The following DELE1 variants were observed in gnomAD, a reference collection of about 807,000 sequenced individuals.
DELE1 encodes DAP3 binding cell death enhancer 1.
DELE1 carries 54 observed loss-of-function variants against 59.3 expected under a neutral mutation model. That is an observed-to-expected ratio of 0.91 (90% CI 0.73 to 1.14). The LOEUF is 1.14. Among genes scored for constraint, DELE1 ranks in the 50% most tolerant of loss-of-function variants. The pLI, the probability that DELE1 is intolerant of heterozygous loss-of-function variation, is 0.00. For missense variants in DELE1, 636 were observed against 643.9 expected (o/e 0.99, Z 0.13); for synonymous variants, 264 against 259.1 (o/e 1.02, Z -0.18).
chr5:141,934,732 C>A, intron 10 of DELE1, 146 bp downstream of exon 10: 2 of 754,174 alleles, frequency 2.7e-6, no homozygotes, highest in Non-Finnish European at 4.3e-6. Context: ...CACTGACTTA[C>A]TGTGTGACCG....
intron 3 of DELE1, 40 bp from the exon 4 acceptor site, chr5:141,928,111 T>C (rs757080937): frequency 3.8e-6 from 6 of 1,586,546 alleles, no homozygotes; most frequent in Non-Finnish European, 4.3e-6. Flanking sequence ...ATGGAGTTGA[T>C]TGGTGAAGGA....
chr5:141,933,108 A>AT (rs1561516750), intron 7 of DELE1, 151 bp from the exon 8 acceptor site: 184 of 150,146 alleles, frequency 1.2e-3, no homozygotes, highest in South Asian at 2.3e-3. Context: ...AAAAAAAAAA[A>AT]AAAATATATA....
At chr5:141,927,791 G>A (rs900992100) in intron 3 of DELE1, among the ~76,000 whole-genome samples, 6 of 152,082 alleles carry the variant, frequency 3.9e-5, no homozygotes, top group South Asian at 4.1e-4. Flanking sequence ...CTTAGTCTTC[G>A]CTTATTTAGT....
chr5:141,932,836 T>G (rs955737328), intron 7 of DELE1, among the ~76,000 whole-genome samples: 2 of 152,158 alleles, frequency 1.3e-5, no homozygotes, highest in Non-Finnish European at 2.9e-5. Context: ...GGCTCACGCC[T>G]GTAATCCCGA....
intron 3 of DELE1, 58 bp from the exon 4 acceptor site, chr5:141,928,089 AGGCC>A (rs1751564590): frequency 1.3e-6 from 2 of 1,535,474 alleles, no homozygotes; most frequent in East Asian, 4.6e-5. Context: ...TTTGAGAATA[AGGCC>A]GGGTCTGATG....
Position 141,924,431 on chromosome 5 carries a change from C to T in DELE1, c.32-150C>T, listed in dbSNP as rs1270508818. The T allele has an allele frequency of 2.1e-5, 13 of 607,622 alleles. No individual in the cohort carries two copies. In the Admixed American group the frequency reaches 3.2e-4, roughly 15 times the overall value. The allele number at this position is 607,622 out of a possible 1,614,324, so 37.6% of individuals were successfully genotyped here. A position where few individuals can be genotyped will look rare whatever the true frequency, so the allele number is the denominator to read the frequency against. On this transcript the variant is annotated intron_variant, in intron 1 of 11. Coordinates refer to ENST00000432126, the MANE Select transcript of DELE1 (RefSeq NM_014773.5). ...ACGTGGATGCTCTACCCTGAGAAAT[C>T]TTAGTTTATTGGTTCTGGGGTACTA...
In DELE1 at chr5:141,925,596, C is replaced by G. The variant is rs575950421; in HGVS notation, c.264+69C>G. On this transcript the variant is annotated intron_variant, in intron 3 of 11. Transcript: ENST00000432126. Reference sequence around the variant, plus strand: ...GAATGATCCTTCATGGGTATACAGCCGAACCTGGAACAAGGGCTAGGGAAT... The same window carrying G: ...GAATGATCCTTCATGGGTATACAGCGGAACCTGGAACAAGGGCTAGGGAAT... The G allele has an allele frequency of 1.4e-3, 1,322 of 913,112 alleles. 2 individuals are homozygous for G. The highest frequency in any genetic ancestry group is 1.9e-3 in the Non-Finnish European group (1,169 of 616,564). The allele number at this position is 913,112 out of a possible 1,614,324, so 56.6% of individuals were successfully genotyped here. A position where few individuals can be genotyped will look rare whatever the true frequency, so the allele number is the denominator to read the frequency against.
chr5:141,925,592 C>A, intron 3 of DELE1, 65 bp downstream of exon 3: 1 of 969,772 alleles, frequency 1.0e-6, no homozygotes, highest in Non-Finnish European at 1.5e-6. Context: ...CATGGGTATA[C>A]AGCCGAACCT....
At chr5:141,925,742 C>G (rs184913813) in intron 3 of DELE1, among the ~76,000 whole-genome samples, 127 of 152,138 alleles carry the variant, frequency 8.3e-4, no homozygotes, top group African/African-American at 3.0e-3. Flanking sequence ...TTATGTAACA[C>G]CTTGTCTGGG....
chr5:141,934,242 G>C lies in DELE1; in HGVS notation c.900G>C (p.Ala300=). The C allele has an allele frequency of 6.2e-7, 1 of 1,604,300 alleles. No homozygotes were observed. Among genetic ancestry groups the C allele is most frequent in the Non-Finnish European group, 8.5e-7 (1 of 1,172,922 alleles). ...GRGTPRDISK[A]VLYYQLAASQ... ...GGGTGTTTCTCCCTTTGCCCCAGGC[G>C]GTCCTTTATTATCAGTTGGCTGCCA... is the stretch of plus-strand genomic sequence containing the variant. The change falls in exon 9 of 12, where the codon GCG becomes GCC. Residue 300 remains alanine (A), a splice_region_variant and synonymous_variant. Transcript: ENST00000432126.
intron 4 of DELE1, among the ~76,000 whole-genome samples, chr5:141,928,635 A>T (rs1165184954): frequency 2.0e-5 from 3 of 152,200 alleles, no homozygotes; most frequent in African/African-American, 7.2e-5. Flanking sequence ...ATGAATCTTT[A>T]TTGAGCACCT....
chr5:141,937,035 A>C, intron 10 of DELE1, 163 bp from the exon 11 acceptor site: 1 of 1,494,344 alleles, frequency 6.7e-7, no homozygotes, highest in Non-Finnish European at 8.9e-7. Flanking sequence ...AGCCTCTGGC[A>C]TTTCGTAGTT....
intron 4 of DELE1, among the ~76,000 whole-genome samples, chr5:141,928,699 C>T (rs1751627849): frequency 1.3e-5 from 2 of 152,182 alleles, no homozygotes; most frequent in Non-Finnish European, 2.9e-5. Context: ...GCTCTGGAGT[C>T]AGATTATAGA....
Position 141,938,735 on chromosome 5 carries a change from T to C in DELE1, c.1524T>C (p.Ser508=). Residue 508 remains serine (S), a synonymous_variant, in exon 12 of 12, where the codon AGT becomes AGC. Coordinates refer to ENST00000432126, the MANE Select transcript of DELE1 (RefSeq NM_014773.5). ...CACACCCCTACCCACTGGAAAGGAG[T>C]GTTGTAAGACTAGGTTTTGGCTAAG... ...IPPHPYPLER[S]VVRLGFG is the part of the protein sequence containing the mutation. 1 of 1,613,084 alleles carries C rather than the reference T, an allele frequency of 6.2e-7. No individual in the cohort carries two copies. Among genetic ancestry groups the C allele is most frequent in the Non-Finnish European group, 8.5e-7 (1 of 1,179,744 alleles).
chr5:141,939,911 T>G lies in DELE1; in HGVS notation c.*1152T>G, dbSNP rs998766090. ...AGTGATGCTCATGGTTGCATGACTT[T>G]ATGAGTCGCTGGGCCAGGGTGAGGA... On this transcript the variant is annotated 3_prime_UTR_variant, in exon 12 of 12. Transcript: ENST00000432126. 1.4e-6 allele frequency: 1 copy of G among 735,958 alleles called. No homozygotes were observed. The highest frequency in any genetic ancestry group is 1.9e-5 in the African/African-American group (1 of 52,044). 45.6% of individuals were successfully genotyped at this position (735,958 alleles called of 1,614,324 possible).
chr5:141,937,935 C>T (rs1377923723), intron 11 of DELE1, among the ~76,000 whole-genome samples: 1 of 151,442 alleles, frequency 6.6e-6, no homozygotes, highest in Non-Finnish European at 1.5e-5. Context: ...AGCGATTCTC[C>T]TGCCTCAGCC....
Position 141,929,723 on chromosome 5 carries a change from A to G in DELE1, c.554A>G (p.Gln185Arg). 1 of 1,614,218 alleles carries G rather than the reference A, an allele frequency of 6.2e-7. No homozygotes were observed. Among genetic ancestry groups the G allele is most frequent in the Non-Finnish European group, 8.5e-7 (1 of 1,180,034 alleles). ...AACTCTTTGAGAGGAGCTCGTCCTC[A>G]GGACCCCTCTGAGGAAGGTATGTCC... Reference protein sequence around the residue: ...SHNSLRGARPQDPSEEGPGDF... With the variant: ...SHNSLRGARPRDPSEEGPGDF... Residue 185 changes from glutamine to arginine, a missense_variant, in exon 5 of 12, where the codon CAG (glutamine) becomes CGG (arginine). Coordinates refer to ENST00000432126, the MANE Select transcript of DELE1 (RefSeq NM_014773.5).
At position 141,939,182 on chromosome 5, in the gene DELE1, G is replaced by A. The variant is rs941809345; in HGVS notation, c.*423G>A. On this transcript the variant is annotated 3_prime_UTR_variant, in exon 12 of 12. Coordinates refer to ENST00000432126, the MANE Select transcript of DELE1 (RefSeq NM_014773.5). ...CCTGGTTCACAAGAAGATTTTAGAT[G>A]GTATTCAAATTAATATTTTCTATTT... 1 of 848,628 alleles carries A rather than the reference G, an allele frequency of 1.2e-6. No individual in the cohort carries two copies. Among genetic ancestry groups the A allele is most frequent in the African/African-American group, 1.8e-5 (1 of 54,250 alleles). 52.6% of individuals were successfully genotyped at this position (848,628 alleles called of 1,614,324 possible).
At position 141,941,956 on chromosome 5, in the gene DELE1, TAC is replaced by T. The variant is rs1304230069; in HGVS notation, c.*3202_*3203del. ...TGTATTGCCCCCCACTCGCCGCCTA[TAC>T]ACACGCACACACGCACACACACACA... On this transcript the variant is annotated 3_prime_UTR_variant, in exon 12 of 12. Coordinates refer to ENST00000432126, the MANE Select transcript of DELE1 (RefSeq NM_014773.5). The T allele has an allele frequency of 3.0e-6, 3 of 984,768 alleles. No individual in the cohort carries two copies. Among genetic ancestry groups the T allele is most frequent in the African/African-American group, 1.8e-5 (1 of 56,762 alleles). The allele number at this position is 984,768 out of a possible 1,614,324, so 61.0% of individuals were successfully genotyped here.
Sources: allele counts gnomAD v4.1 joint callset (sites outside exome capture counted in the v4.1 genomes callset), GRCh38; gene constraint gnomAD v4.1.1; transcripts MANE v1.5; gene names NCBI Gene and HGNC (gene_info 2026-07-23, HGNC 2026-07-21).